COL21A1: variants seen among roughly 807,000 people sequenced by gnomAD.
COL21A1 encodes collagen alpha-1(XXI) chain.
A neutral mutation model predicts 137.9 loss-of-function variants in COL21A1; 149 were observed. The observed-to-expected ratio is 1.08, with a 90% CI of 0.95 to 1.24. The LOEUF (loss-of-function observed/expected upper bound fraction) is 1.24, where lower values mean the gene tolerates loss of function less well. COL21A1 is among the 50% of genes most tolerant of loss of function. The pLI is 0.00. For synonymous variants in COL21A1, 456 were observed against 391.5 expected (o/e 1.16, Z -1.95); for missense variants, 1,167 against 1,158.4 (o/e 1.01, Z -0.11).
chr6:56,213,060 T>A (rs768275190), intron 1 of COL21A1, among the ~76,000 whole-genome samples: 7 of 152,018 alleles, frequency 4.6e-5, no homozygotes, highest in African/African-American at 7.2e-5. Flanking sequence ...TCTTTTCTAT[T>A]AAAAAGTAGA....
Position 56,168,122 on chromosome 6 carries a change from A to C in COL21A1, c.1200+2T>G. ...TCAAAGAGTAAATCATTATTTATCT[A>C]CCTGAACAGTTTCTTCTTTTCCAGA... On this transcript the variant is annotated splice_donor_variant, in intron 6 of 29. Coordinates refer to ENST00000244728, the MANE Select transcript of COL21A1 (RefSeq NM_030820.4). LOFTEE classifies it high-confidence loss of function. 6.7e-7 allele frequency: 1 copy of C among 1,501,120 alleles called. No individual in the cohort carries two copies. The highest frequency in any genetic ancestry group is 9.0e-7 in the Non-Finnish European group (1 of 1,116,714). 93.0% of individuals were successfully genotyped at this position (1,501,120 alleles called of 1,614,324 possible).
At chr6:56,155,401 A>G (rs1775667322) in intron 10 of COL21A1, among the ~76,000 whole-genome samples, 1 of 152,118 alleles carries the variant, frequency 6.6e-6, no homozygotes, top group South Asian at 2.1e-4. Flanking sequence ...CAGGAACTTA[A>G]GCAACTCTTT....
chr6:56,188,347 C>T (rs1405771963), intron 1 of COL21A1, among the ~76,000 whole-genome samples: 2 of 152,172 alleles, frequency 1.3e-5, no homozygotes, highest in Non-Finnish European at 2.9e-5. Flanking sequence ...TAGTTTTATT[C>T]ATAATAATTC....
At chr6:56,292,026 G>C (rs947406617) in intron 1 of COL21A1, among the ~76,000 whole-genome samples, 2 of 152,034 alleles carry the variant, frequency 1.3e-5, no homozygotes, top group African/African-American at 4.8e-5. Flanking sequence ...AAAATTATCT[G>C]GGTGTGGTGG....
chr6:56,363,971 T>A (rs1766038857), intron 1 of COL21A1, among the ~76,000 whole-genome samples: 1 of 152,202 alleles, frequency 6.6e-6, no homozygotes, highest in Non-Finnish European at 1.5e-5. Context: ...AACTCAGAGT[T>A]TGCACTGGAC....
At chr6:56,301,300 G>A (rs1398664134) in intron 1 of COL21A1, among the ~76,000 whole-genome samples, 2 of 152,268 alleles carry the variant, frequency 1.3e-5, no homozygotes, top group African/African-American at 2.4e-5. Flanking sequence ...GAAATTTGAA[G>A]ATGCTATGCT....
Position 56,150,962 on chromosome 6 carries a change from G to C in COL21A1, c.1434+5925C>G, listed in dbSNP as rs556328400. Reference sequence around the variant, plus strand: ...AACTCGGCCGGGGGCGGTGGCTCACGCCTGTAATCCCAGCTCTTTGGGAGG... The same window carrying C: ...AACTCGGCCGGGGGCGGTGGCTCACCCCTGTAATCCCAGCTCTTTGGGAGG... On this transcript the variant is annotated intron_variant, in intron 10 of 29. Transcript: ENST00000244728. Among the ~76,000 whole-genome samples the C allele has an allele frequency of 7.9e-5, 12 of 152,296 alleles. 1 individual carries two copies. Among genetic ancestry groups the C allele is most frequent in the South Asian group, 6.2e-4 (3 of 4,826 alleles).
At chr6:56,187,315 G>A (rs1043264030) in intron 1 of COL21A1, among the ~76,000 whole-genome samples, 1 of 152,092 alleles carries the variant, frequency 6.6e-6, no homozygotes, top group South Asian at 2.1e-4. Context: ...TGTATCTAAC[G>A]GTGAGAACAG....
chr6:56,166,639 G>A lies in COL21A1; in HGVS notation c.1278+267C>T, dbSNP rs543236682. On this transcript the variant is annotated intron_variant, in intron 7 of 29. Coordinates refer to ENST00000244728, the MANE Select transcript of COL21A1 (RefSeq NM_030820.4). Reference sequence around the variant, plus strand: ...GCACTCCAGCCTGGGCGACAAGAGTGAGACTCCAAATCAAAACAAAACAAA... The same window carrying A: ...GCACTCCAGCCTGGGCGACAAGAGTAAGACTCCAAATCAAAACAAAACAAA... 1.8e-5 allele frequency: 9 copies of A among 502,798 alleles called. No homozygotes were observed. The East Asian group carries it at 3.1e-4, about 17-fold the overall frequency. The allele number at this position is 502,798 out of a possible 1,614,324, so 31.1% of individuals were successfully genotyped here.
At chr6:56,276,141 T>C (rs1763642734) in intron 1 of COL21A1, among the ~76,000 whole-genome samples, 2 of 152,174 alleles carry the variant, frequency 1.3e-5, no homozygotes, top group African/African-American at 4.8e-5. Flanking sequence ...TACCACATGT[T>C]CTCACGTATA....
intron 1 of COL21A1, among the ~76,000 whole-genome samples, chr6:56,314,185 A>G (rs1161642357): frequency 6.6e-6 from 1 of 152,076 alleles, no homozygotes; most frequent in Non-Finnish European, 1.5e-5. Context: ...GGGTTTCACC[A>G]TGTTGGTCAG....
chr6:56,186,132 G>C (rs2152286161), intron 1 of COL21A1, among the ~76,000 whole-genome samples: 1 of 152,154 alleles, frequency 6.6e-6, no homozygotes. Context: ...ATTAAATCTA[G>C]CAATATAATT....
chr6:56,131,137 G>A (rs767104373), intron 12 of COL21A1, among the ~76,000 whole-genome samples: 1 of 151,934 alleles, frequency 6.6e-6, no homozygotes, highest in Non-Finnish European at 1.5e-5. Context: ...GACAGGTAGT[G>A]AGCAATGAAA....
At chr6:56,165,899 G>A (rs1776536305) in intron 7 of COL21A1, among the ~76,000 whole-genome samples, 1 of 133,136 alleles carries the variant, frequency 7.5e-6, no homozygotes, top group African/African-American at 3.0e-5. Context: ...AGGGGAAAGG[G>A]GATTGATTAC....
chr6:56,110,973 G>T (rs1340941986), intron 16 of COL21A1, among the ~76,000 whole-genome samples: 1 of 152,036 alleles, frequency 6.6e-6, no homozygotes, highest in Admixed American at 6.5e-5. Flanking sequence ...CTTGAGTAGG[G>T]CTTGAATTTG....
At chr6:56,239,574 T>C (rs992623512) in intron 1 of COL21A1, among the ~76,000 whole-genome samples, 1 of 152,168 alleles carries the variant, frequency 6.6e-6, no homozygotes, top group African/African-American at 2.4e-5. Context: ...AAATTTTTTT[T>C]CAAGTGTTGG....
intron 1 of COL21A1, among the ~76,000 whole-genome samples, chr6:56,382,484 A>C (rs2094010438): frequency 6.6e-6 from 1 of 151,990 alleles, no homozygotes; most frequent in Non-Finnish European, 1.5e-5. Context: ...CCCTTAGCCC[A>C]CTCCAAAAAT....
chr6:56,135,717 T>C (rs1773947168), intron 12 of COL21A1, among the ~76,000 whole-genome samples: 2 of 152,180 alleles, frequency 1.3e-5, no homozygotes, highest in Admixed American at 1.3e-4. Flanking sequence ...AAGGCAATCT[T>C]TGAGATTTCT....
chr6:56,179,311 G>A (rs1777719499), intron 3 of COL21A1, among the ~76,000 whole-genome samples: 1 of 151,748 alleles, frequency 6.6e-6, no homozygotes, highest in Non-Finnish European at 1.5e-5. Flanking sequence ...TAATTGAAAG[G>A]AAAAATAATA....
Sources: gnomAD v4.1 joint callset for allele counts (sites outside exome capture counted in the v4.1 genomes callset) on GRCh38, gnomAD v4.1.1 for gene constraint, MANE v1.5 for transcripts, NCBI Gene and HGNC (gene_info 2026-07-23, HGNC 2026-07-21) for gene names.